Variants in STRN observed in about 807,000 individuals in gnomAD.
STRN encodes the protein striatin, also known as protein phosphatase 2 regulatory subunit B'''alpha.
A neutral mutation model predicts 96.3 loss-of-function variants in STRN; 53 were observed. The ratio of observed to expected loss-of-function variants is 0.55; its 90% CI spans 0.44 to 0.69. The LOEUF (loss-of-function observed/expected upper bound fraction) is 0.69. STRN is among the 30% of genes least tolerant of loss of function. STRN has a pLI of 0.00. For missense variants in STRN, 987 were observed against 963.9 expected (o/e 1.02, Z -0.32); for synonymous variants, 428 against 355.9 (o/e 1.20, Z -2.28).
intron 15 of STRN, 37 bp from the exon 16 acceptor site, chr2:36,851,144 C>T (rs772475110): frequency 6.5e-7 from 1 of 1,528,432 alleles, no homozygotes; most frequent in Non-Finnish European, 9.0e-7. Context: ...ACAACTTAGT[C>T]AAAGATATTT....
At chr2:36,917,054 A>T (rs948581474) in intron 2 of STRN, among the ~76,000 whole-genome samples, 87 of 148,472 alleles carry the variant, frequency 5.9e-4, no homozygotes, top group African/African-American at 1.3e-3. Flanking sequence ...TAAAAAAATA[A>T]AAAATAAAAA....
chr2:36,887,234 G>C (rs1669259294), intron 7 of STRN, among the ~76,000 whole-genome samples: 1 of 150,678 alleles, frequency 6.6e-6, no homozygotes, highest in Admixed American at 6.6e-5. Context: ...TTCAAGACCA[G>C]CCTGACCAAC....
chr2:36,943,588 A>C (rs1670901328), intron 1 of STRN, among the ~76,000 whole-genome samples: 1 of 151,138 alleles, frequency 6.6e-6, no homozygotes, highest in African/African-American at 2.4e-5. Context: ...GAGAATCACG[A>C]GGTCAGGAGA....
intron 15 of STRN, among the ~76,000 whole-genome samples, chr2:36,852,872 T>A (rs1326835485): frequency 6.6e-6 from 1 of 152,108 alleles, no homozygotes; most frequent in African/African-American, 2.4e-5. Context: ...AAATATAAAA[T>A]GTGGCTGGGC....
chr2:36,894,369 A>T (rs1180490166), intron 6 of STRN, among the ~76,000 whole-genome samples: 1 of 152,218 alleles, frequency 6.6e-6, no homozygotes, highest in Non-Finnish European at 1.5e-5. Context: ...TTTCTCTAGT[A>T]GCTCTCCATG....
intron 12 of STRN, 91 bp downstream of exon 12, chr2:36,867,723 G>T: frequency 1.2e-6 from 1 of 820,226 alleles, no homozygotes. Flanking sequence ...TAAATACAAA[G>T]AATACCTAGT....
chr2:36,965,051 C>A (rs1320128492), intron 1 of STRN, among the ~76,000 whole-genome samples: 1 of 152,196 alleles, frequency 6.6e-6, no homozygotes, highest in Non-Finnish European at 1.5e-5. Context: ...TTTCCACAGC[C>A]ACTTCCACTA....
intron 2 of STRN, among the ~76,000 whole-genome samples, chr2:36,922,790 G>C (rs2148227734): frequency 6.6e-6 from 1 of 151,804 alleles, no homozygotes; most frequent in South Asian, 2.1e-4. Flanking sequence ...CTTCTTATTT[G>C]ATGCTATTCA....
At chr2:36,872,956 G>C in intron 10 of STRN, among the ~76,000 whole-genome samples, 1 of 152,358 alleles carries the variant, frequency 6.6e-6, no homozygotes, top group African/African-American at 2.4e-5. Flanking sequence ...TTTTCCCCCA[G>C]ATGCTGTTTA....
chr2:36,957,763 T>TTC (rs1664930649), intron 1 of STRN, among the ~76,000 whole-genome samples: 1 of 121,424 alleles, frequency 8.2e-6, no homozygotes, highest in Non-Finnish European at 1.8e-5. Flanking sequence ...TTTTTTTTTT[T>TTC]TTTTTTTTTG....
chr2:36,894,634 C>G (rs1243746411), intron 6 of STRN, among the ~76,000 whole-genome samples: 2 of 152,150 alleles, frequency 1.3e-5, no homozygotes, highest in Non-Finnish European at 2.9e-5. Context: ...AATTAGGATG[C>G]TAGGTTTGCA....
At chr2:36,866,706 T>G (rs916372812) in intron 12 of STRN, among the ~76,000 whole-genome samples, 1 of 152,224 alleles carries the variant, frequency 6.6e-6, no homozygotes, top group African/African-American at 2.4e-5. Flanking sequence ...ATCTGGGTGC[T>G]CCTATGTTGG....
At chr2:36,872,531 A>C (rs145151478) in intron 10 of STRN, among the ~76,000 whole-genome samples, 120 of 152,266 alleles carry the variant, frequency 7.9e-4, no homozygotes, top group African/African-American at 2.6e-3. Context: ...AAGATAATAA[A>C]TGTTTTTTGT....
rs879226391 is a variant in STRN at position 36,855,171 on chromosome 2, T to A, written c.1978+41A>T. 9.4e-6 allele frequency: 15 copies of A among 1,597,182 alleles called. No individual in the cohort carries two copies. The South Asian group carries it at 1.5e-4, about 16-fold the overall frequency. Reference sequence around the variant, plus strand: ...CTAGTAGTCGTAATTTTGATTAAGTTAAAAAAATAAACACAGACAATTTAA... The same window carrying A: ...CTAGTAGTCGTAATTTTGATTAAGTAAAAAAAATAAACACAGACAATTTAA... On this transcript the variant is annotated intron_variant, in intron 15 of 17. Coordinates refer to ENST00000263918, the MANE Select transcript of STRN (RefSeq NM_003162.4).
chr2:36,882,392 G>C (rs1489856432), intron 9 of STRN, among the ~76,000 whole-genome samples: 1 of 152,044 alleles, frequency 6.6e-6, no homozygotes, highest in Non-Finnish European at 1.5e-5. Flanking sequence ...ATTGTTTTAA[G>C]AGACAGGGTT....
chr2:36,885,131 A>T (rs1334135054), intron 8 of STRN, among the ~76,000 whole-genome samples: 1 of 152,164 alleles, frequency 6.6e-6, no homozygotes, highest in African/African-American at 2.4e-5. Context: ...TTCTATTAGT[A>T]GGAATATTGT....
At chr2:36,886,015 G>A (rs1669218423) in intron 8 of STRN, among the ~76,000 whole-genome samples, 2 of 152,016 alleles carry the variant, frequency 1.3e-5, no homozygotes, top group South Asian at 4.2e-4. Flanking sequence ...TTCTTAACTA[G>A]ATCCATTGCT....
chr2:36,870,272 C>G (rs1408985826), intron 10 of STRN, among the ~76,000 whole-genome samples: 1 of 147,168 alleles, frequency 6.8e-6, no homozygotes, highest in Admixed American at 7.0e-5. Flanking sequence ...TTCTTTCCCT[C>G]CATGGTAACT....
intron 15 of STRN, among the ~76,000 whole-genome samples, chr2:36,854,929 T>A (rs76569559): frequency 1.3e-5 from 2 of 152,300 alleles, no homozygotes; most frequent in East Asian, 3.9e-4. Context: ...AGAATAAATA[T>A]GGCTTTCTTC....
Sources: allele counts gnomAD v4.1 joint callset (sites outside exome capture counted in the v4.1 genomes callset), GRCh38; gene constraint gnomAD v4.1.1; transcripts MANE v1.5; gene names NCBI Gene and HGNC (gene_info 2026-07-23, HGNC 2026-07-21).